NOX5: variants seen among roughly 807,000 people sequenced by gnomAD.
NOX5 encodes NADPH oxidase 5.
A neutral mutation model predicts 85.7 loss-of-function variants in NOX5; 76 were observed. The observed-to-expected ratio is 0.89, with a 90% CI of 0.74 to 1.07. NOX5 has a LOEUF of 1.07. Among genes scored for constraint, NOX5 ranks in the 50% least tolerant of loss-of-function variants. The probability of loss-of-function intolerance (pLI) is 0.00; values close to 1 mark genes in which losing one functional copy is unlikely to be tolerated. For missense variants in NOX5, 973 were observed against 999.5 expected (o/e 0.97, Z 0.36); for synonymous variants, 405 against 401.4 (o/e 1.01, Z -0.11).
Position 69,014,745 on chromosome 15 carries a change from T to C in NOX5, c.10T>C (p.Ser4Pro). The C allele has an allele frequency of 6.4e-7, 1 of 1,550,562 alleles. No homozygotes were observed. The highest frequency in any genetic ancestry group is 8.7e-7 in the Non-Finnish European group (1 of 1,146,982). The change falls in exon 1 of 16, where the codon TCT becomes CCT. Residue 4 changes from serine (S) to proline (P), a missense_variant. Transcript: ENST00000388866. The part of the protein sequence containing the change: MNT[S>P]GDPAQTGPEG... ...TAGAAGACAGGAGAAGATGAACACATCTGGAGACCCAGCCCAGACGGGCCC... is the reference window on the plus strand; with the variant it reads ...TAGAAGACAGGAGAAGATGAACACACCTGGAGACCCAGCCCAGACGGGCCC...
In NOX5 at chr15:69,031,814, T is replaced by A. The variant is rs781644005; in HGVS notation, c.620+2T>A. 3 of 1,592,406 alleles carry A rather than the reference T, an allele frequency of 1.9e-6. No homozygotes were observed. In the Admixed American group the frequency reaches 5.1e-5, roughly 27 times the overall value. On this transcript the variant is annotated splice_donor_variant, in intron 4 of 15. Coordinates refer to ENST00000388866, the MANE Select transcript of NOX5 (RefSeq NM_024505.4). LOFTEE classifies it high-confidence loss of function. Reference sequence around the variant, plus strand: ...AGTCATGGAGAACCTGACCATCAGGTACGGCCGGGTCTCGGGCATTGGCAC... The same window carrying A: ...AGTCATGGAGAACCTGACCATCAGGAACGGCCGGGTCTCGGGCATTGGCAC...
At chr15:69,038,526 A>G (rs1033052372) in intron 8 of NOX5, among the ~76,000 whole-genome samples, 3 of 152,216 alleles carry the variant, frequency 2.0e-5, no homozygotes, top group Non-Finnish European at 4.4e-5. Flanking sequence ...TGAAGTTCCA[A>G]GAAAGGGCTG....
At chr15:69,017,201 G>T (rs753132727) in intron 1 of NOX5, among the ~76,000 whole-genome samples, 3 of 151,876 alleles carry the variant, frequency 2.0e-5, no homozygotes, top group Non-Finnish European at 2.9e-5. Flanking sequence ...ACCCAGGCTG[G>T]AGTGCAGTGG....
chr15:69,038,724 A>T, intron 8 of NOX5, 133 bp from the exon 9 acceptor site: 1 of 1,264,808 alleles, frequency 7.9e-7, no homozygotes, highest in Non-Finnish European at 1.1e-6. Context: ...TCAGAAGCAC[A>T]GAAGAGTGTC....
chr15:69,018,430 T>C (rs974377703), intron 1 of NOX5, among the ~76,000 whole-genome samples: 6 of 152,160 alleles, frequency 3.9e-5, no homozygotes, highest in Non-Finnish European at 7.4e-5. Context: ...AAGCCCTTAT[T>C]TTAACCTAGA....
intron 12 of NOX5, 91 bp from the exon 13 acceptor site, chr15:69,047,739 C>G (rs769858379): frequency 2.8e-6 from 4 of 1,432,218 alleles, no homozygotes; most frequent in Non-Finnish European, 3.9e-6. Context: ...CTCTGCCACC[C>G]CATCCTTGCT....
At chr15:69,037,006 A>G (rs769935431) in intron 7 of NOX5, 22 bp from the exon 8 acceptor site, 4 of 1,591,654 alleles carry the variant, frequency 2.5e-6, no homozygotes, top group South Asian at 1.1e-5. Flanking sequence ...CTGGAAGTTG[A>G]CTGCCCCCCC....
chr15:69,056,791 C>T lies in NOX5; in HGVS notation c.*95C>T. ...CCACAGGGACCAGCCTCAGATGACC[C>T]ACCCAATAAGACAAAGCCTAGGGAC... On this transcript the variant is annotated 3_prime_UTR_variant, in exon 16 of 16. Coordinates refer to ENST00000388866, the MANE Select transcript of NOX5 (RefSeq NM_024505.4). 6.7e-7 allele frequency: 1 copy of T among 1,483,880 alleles called. No individual in the cohort carries two copies. The highest frequency in any genetic ancestry group is 2.3e-5 in the East Asian group (1 of 43,076). The allele number at this position is 1,483,880 out of a possible 1,614,324, so 91.9% of individuals were successfully genotyped here. A position where few individuals can be genotyped will look rare whatever the true frequency, so the allele number is the denominator to read the frequency against.
intron 1 of NOX5, among the ~76,000 whole-genome samples, chr15:69,025,929 C>T (rs1475711655): frequency 6.6e-6 from 1 of 152,178 alleles, no homozygotes; most frequent in Non-Finnish European, 1.5e-5. Flanking sequence ...GGGCTGAATC[C>T]TGGCTTGATC....
At position 69,053,171 on chromosome 15, in the gene NOX5, C is replaced by T. The variant is rs940466094; in HGVS notation, c.2000-2163C>T. Among the ~76,000 whole-genome samples, 12 of 152,254 alleles carry T rather than the reference C, an allele frequency of 7.9e-5. No individual in the cohort carries two copies. In the South Asian group the frequency reaches 8.3e-4, roughly 11 times the overall value. ...TAATTTTTCATTGCTATAGCTTAAG[C>T]GTCAATTATTCTGTCTAAGTTTGTA... is the stretch of plus-strand genomic sequence containing the variant. On this transcript the variant is annotated intron_variant, in intron 14 of 15. Transcript: ENST00000388866.
rs399473 is a variant in NOX5 at position 69,039,020 on chromosome 15, C to T, written c.1504+31C>T. ...GGCCACCTCCTCCAGTCACTCTGCA[C>T]ATATTCACTGAGTTCCTACCGTGGG... is the stretch of plus-strand genomic sequence containing the variant. On this transcript the variant is annotated intron_variant, in intron 9 of 15. Coordinates refer to ENST00000388866, the MANE Select transcript of NOX5 (RefSeq NM_024505.4). The T allele has an allele frequency of 1.4e-3, 2,249 of 1,612,212 alleles. 28 individuals are homozygous for T. In the African/African-American group the frequency reaches 0.025, roughly 18 times the overall value.
intron 13 of NOX5, 53 bp downstream of exon 13, chr15:69,047,964 C>T: frequency 6.6e-7 from 1 of 1,525,602 alleles, no homozygotes; most frequent in Non-Finnish European, 9.1e-7. Context: ...CTGGACAACT[C>T]CTAAAATAGG....
intron 10 of NOX5, among the ~76,000 whole-genome samples, chr15:69,045,536 T>TTTTCTTTCTTTCTTTCTTTCTTTATTTC: frequency 1.1e-5 from 1 of 94,560 alleles, no homozygotes; most frequent in African/African-American, 5.0e-5. Context: ...TTCCTTTCTT[T>TTTTCTTTCTTTCTTTCTTTCTTTATTTC]TTTCTTTCTT....
chr15:69,035,879 G>C lies in NOX5; in HGVS notation c.1131G>C (p.Leu377=), dbSNP rs1261197411. 6 of 1,614,122 alleles carry C rather than the reference G, an allele frequency of 3.7e-6. No individual in the cohort carries two copies. Among genetic ancestry groups the C allele is most frequent in the African/African-American group, 2.7e-5 (2 of 75,058 alleles). The change falls in exon 7 of 16, where the codon CTG becomes CTC. Residue 377 remains leucine (L), a synonymous_variant. Coordinates refer to ENST00000388866, the MANE Select transcript of NOX5 (RefSeq NM_024505.4). ...CGACAGGTGTCGCTCTGCTGCTGCT[G>C]CTCCTCCTCATGTTCATCTGCTCCA... ...ASPTGVALLL[L]LLLMFICSSS...
At chr15:69,047,594 C>G (rs1417772840) in intron 12 of NOX5, 57 bp downstream of exon 12, 7 of 1,571,580 alleles carry the variant, frequency 4.5e-6, no homozygotes, top group Non-Finnish European at 6.0e-6. Context: ...AGGCGCCCTC[C>G]CTGCTCCTCC....
At chr15:69,026,711 G>A (rs2140251978) in intron 2 of NOX5, 60 bp downstream of exon 2, 1 of 1,608,478 alleles carries the variant, frequency 6.2e-7, no homozygotes, top group Non-Finnish European at 8.5e-7. Context: ...GGTTCTCAGG[G>A]CATAGCCCTT....
At chr15:69,053,009 C>T (rs1162769139) in intron 14 of NOX5, among the ~76,000 whole-genome samples, 3 of 152,194 alleles carry the variant, frequency 2.0e-5, no homozygotes. Flanking sequence ...GCTTTGCATT[C>T]TCAAAGCCAC....
rs755605702 is a variant in NOX5, at chr15:69,035,936, G to T, written c.1188G>T (p.Glu396Asp). The change falls in exon 7 of 16, where the codon GAG becomes GAT. Residue 396 changes from glutamate to aspartate, a missense_variant and splice_region_variant. By Grantham distance (45) the Glu-to-Asp change is conservative. Coordinates refer to ENST00000388866, the MANE Select transcript of NOX5 (RefSeq NM_024505.4). ...GCATCCGCAGGAGTGGCCACTTTGA[G>T]GTGCCCCAGTTGCTGCCCTTTTGCT... ...SSCIRRSGHFEVFYWTHLSYL... is the reference protein window; with the variant it reads ...SSCIRRSGHFDVFYWTHLSYL... 1 of 1,613,924 alleles carries T rather than the reference G, an allele frequency of 6.2e-7. No homozygotes were observed. Among genetic ancestry groups the T allele is most frequent in the Non-Finnish European group, 8.5e-7 (1 of 1,179,884 alleles).
At position 69,062,220 on chromosome 15, in the gene NOX5, T is replaced by G. The variant is rs755363391; in HGVS notation, c.*5524T>G. ...CCCCACTGGCCCTGCCTTGGTTCAG[T>G]CCTTAAATTGCCTATTGCCTGAATT... is the stretch of plus-strand genomic sequence containing the variant. On this transcript the variant is annotated 3_prime_UTR_variant, in exon 16 of 16. Transcript: ENST00000388866. 1.3e-5 allele frequency: 2 copies of G among 151,916 alleles called. No homozygotes were observed. The highest frequency in any genetic ancestry group is 2.4e-5 in the African/African-American group (1 of 41,370). 9.4% of individuals were successfully genotyped at this position (151,916 alleles called of 1,614,324 possible).
Sources: gnomAD v4.1 joint callset for allele counts (sites outside exome capture counted in the v4.1 genomes callset) on GRCh38, gnomAD v4.1.1 for gene constraint, MANE v1.5 for transcripts, NCBI Gene and HGNC (gene_info 2026-07-23, HGNC 2026-07-21) for gene names.